RP1L1: variants seen among roughly 807,000 people sequenced by gnomAD.
The protein encoded by RP1L1 is RP1 like 1.
A neutral mutation model predicts 15.7 loss-of-function variants in RP1L1; 27 were observed. That is an observed-to-expected ratio of 1.72 (90% CI 1.27 to 2.38). The LOEUF is 2.38. RP1L1 is among the 30% of genes most tolerant of loss of function. The pLI is 0.00. For missense variants in RP1L1, 4,798 were observed against 3,075.9 expected (o/e 1.56, Z -13.24); for synonymous variants, 1,813 against 1,276.7 (o/e 1.42, Z -8.96).
At position 10,633,412 on chromosome 8, in the gene RP1L1, G is replaced by A. The variant is rs146240172; in HGVS notation, c.-19-10192C>T. 5.5e-3 allele frequency among the ~76,000 whole-genome samples: 834 copies of A among 151,616 alleles called. 11 individuals are homozygous for A. Among genetic ancestry groups the A allele is most frequent in the African/African-American group, 0.019 (781 of 41,222 alleles). On this transcript the variant is annotated intron_variant, in intron 1 of 3. Coordinates refer to ENST00000382483, the MANE Select transcript of RP1L1 (RefSeq NM_178857.6). Reference sequence around the variant, plus strand: ...ACAAAGGGTAGATCTGGGGACCGGGGCAGACAGGGATGTAATAAGCCCAAA... The same window carrying A: ...ACAAAGGGTAGATCTGGGGACCGGGACAGACAGGGATGTAATAAGCCCAAA...
chr8:10,623,042 G>T lies in RP1L1; in HGVS notation c.160C>A (p.His54Asn). ...CTGAAGGTCTTAAAGGCGCGCTGGT[G>T]AACGGCCAGGCGGACCCCAGCAAAC... ...PRFAGVRLAV[H>N]QRAFKTFSAL... The change falls in exon 2 of 4, where the codon CAC (histidine) becomes AAC (asparagine). Residue 54 changes from histidine (H) to asparagine (N), a missense_variant. By Grantham distance (68) the His-to-Asn change is moderately conservative (BLOSUM62 1). Transcript: ENST00000382483. 1 of 1,614,158 alleles carries T rather than the reference G, an allele frequency of 6.2e-7. No individual in the cohort carries two copies. Among genetic ancestry groups the T allele is most frequent in the Non-Finnish European group, 8.5e-7 (1 of 1,180,028 alleles).
At position 10,610,855 on chromosome 8, in the gene RP1L1, G is replaced by C. The variant is rs763272852; in HGVS notation, c.3243C>G (p.Ala1081=). ...SLRALPGRVS[A]STQIMRALMG... is the part of the protein sequence containing the mutation. ...TCAGCGCCCTCATGATCTGCGTGGAGGCAGACACCCGGCCAGGAAGTGCCC... is the reference window on the plus strand; with the variant it reads ...TCAGCGCCCTCATGATCTGCGTGGACGCAGACACCCGGCCAGGAAGTGCCC... The change falls in exon 4 of 4, where the codon GCC becomes GCG. Residue 1081 remains alanine, a synonymous_variant. Transcript: ENST00000382483. 1 of 1,608,486 alleles carries C rather than the reference G, an allele frequency of 6.2e-7. No individual in the cohort carries two copies. The highest frequency in any genetic ancestry group is 1.7e-5 in the Admixed American group (1 of 59,820).
chr8:10,625,841 C>T (rs1364475638), intron 1 of RP1L1, among the ~76,000 whole-genome samples: 1 of 152,058 alleles, frequency 6.6e-6, no homozygotes, highest in East Asian at 1.9e-4. Flanking sequence ...CCCCAGCAAA[C>T]CCCAGGGTCC....
intron 1 of RP1L1, among the ~76,000 whole-genome samples, chr8:10,632,456 A>G (rs1441212501): frequency 6.6e-6 from 1 of 152,222 alleles, no homozygotes; most frequent in Non-Finnish European, 1.5e-5. Context: ...TGATGTATAC[A>G]GATATCTCCA....
rs796555855 is a variant in RP1L1, at chr8:10,615,769, TG to T, written c.751+676del. ...GTTGTCTAGGCTTGTCTTGAACTCC[TG>T]GGCTCAAGTGATCCTCCTGTCCTGG... On this transcript the variant is annotated intron_variant, in intron 3 of 3. Transcript: ENST00000382483. Among the ~76,000 whole-genome samples the T allele has an allele frequency of 3.2e-4, 48 of 152,302 alleles. 1 individual carries two copies. Among genetic ancestry groups the T allele is most frequent in the African/African-American group, 1.0e-3 (43 of 41,568 alleles).
At chr8:10,630,198 G>A (rs1012267150) in intron 1 of RP1L1, among the ~76,000 whole-genome samples, 1 of 152,198 alleles carries the variant, frequency 6.6e-6, no homozygotes, top group Non-Finnish European at 1.5e-5. Flanking sequence ...GTGGAGGGGG[G>A]AGCAGACCCC....
intron 1 of RP1L1, among the ~76,000 whole-genome samples, chr8:10,636,508 G>C (rs1000480411): frequency 3.3e-5 from 5 of 152,138 alleles, no homozygotes; most frequent in Admixed American, 2.6e-4. Context: ...TTGAGGCCCC[G>C]CCTTCTTCCC....
intron 1 of RP1L1, among the ~76,000 whole-genome samples, chr8:10,632,204 A>G (rs1364210366): frequency 1.3e-5 from 2 of 152,154 alleles, no homozygotes; most frequent in Non-Finnish European, 2.9e-5. Flanking sequence ...CAGGGGCACC[A>G]ATGTCCGACT....
rs141778565 is a variant in RP1L1 at position 10,615,379 on chromosome 8, T to C, written c.751+1067A>G. On this transcript the variant is annotated intron_variant, in intron 3 of 3. Transcript: ENST00000382483. ...TGTGGCTCTTTGGCTGGATATATGG[T>C]TGGTTGTATGGATGGATGGATAATC... Among the ~76,000 whole-genome samples, 1,035 of 152,180 alleles carry C rather than the reference T, an allele frequency of 6.8e-3. 10 individuals carry two copies. The highest frequency in any genetic ancestry group is 0.023 in the African/African-American group (963 of 41,510).
At chr8:10,631,407 GCACACACGCACACACACATGCGCGCA>G (rs1563135516) in intron 1 of RP1L1, among the ~76,000 whole-genome samples, 1 of 120,932 alleles carries the variant, frequency 8.3e-6, no homozygotes, top group Non-Finnish European at 1.8e-5. Flanking sequence ...GCACACACAC[GCACACACGCACACACACATGCGCGCA>G]CACACACGCA....
At position 10,609,230 on chromosome 8, in the gene RP1L1, G is replaced by A. The variant is rs768723856; in HGVS notation, c.4868C>T (p.Thr1623Ile). ...GAAGGAGAGGGGCCCCAGGCCCAGG[G>A]TCCGCTCAGAGAAGGCCGAGAGGTT... ...LRNLSAFSER[T>I]LGLGPLSFTL... Residue 1623 changes from threonine to isoleucine, a missense_variant, in exon 4 of 4, where the codon ACC (threonine) becomes ATC (isoleucine). Transcript: ENST00000382483. 1 of 1,609,532 alleles carries A rather than the reference G, an allele frequency of 6.2e-7. No individual in the cohort carries two copies. The highest frequency in any genetic ancestry group is 2.2e-5 in the East Asian group (1 of 44,856).
chr8:10,644,772 G>T (rs577780340), intron 1 of RP1L1, among the ~76,000 whole-genome samples: 1 of 152,308 alleles, frequency 6.6e-6, no homozygotes, highest in Admixed American at 6.5e-5. Flanking sequence ...TCGCCCTGCA[G>T]AGAGGCCTAT....
chr8:10,620,921 C>T (rs1400315880), intron 2 of RP1L1, among the ~76,000 whole-genome samples: 1 of 152,182 alleles, frequency 6.6e-6, no homozygotes, highest in Admixed American at 6.5e-5. Context: ...GGTCACTCTG[C>T]TGAGTACATA....
chr8:10,640,454 G>A (rs998469620), intron 1 of RP1L1, among the ~76,000 whole-genome samples: 8 of 152,108 alleles, frequency 5.3e-5, no homozygotes, highest in African/African-American at 1.4e-4. Flanking sequence ...GAGGCCAAGA[G>A]TTTAAGACAA....
chr8:10,651,779 T>C (rs75686854), intron 1 of RP1L1, among the ~76,000 whole-genome samples: 3 of 135,618 alleles, frequency 2.2e-5, no homozygotes, highest in Non-Finnish European at 3.3e-5. Flanking sequence ...AAAAAAAAAG[T>C]TATGCTCAGA....
chr8:10,619,852 C>A (rs573984728), intron 2 of RP1L1, among the ~76,000 whole-genome samples: 5 of 150,556 alleles, frequency 3.3e-5, no homozygotes, highest in Non-Finnish European at 5.9e-5. Context: ...CCCAGCTACT[C>A]GGGGAGGCTG....
At chr8:10,616,726 G>GT in intron 2 of RP1L1, 139 bp from the exon 3 acceptor site, 1 of 1,017,756 alleles carries the variant, frequency 9.8e-7, no homozygotes, top group Non-Finnish European at 1.4e-6. Context: ...GGTCCAAGGA[G>GT]GGGTCTTATC....
At chr8:10,640,624 G>A (rs943604000) in intron 1 of RP1L1, among the ~76,000 whole-genome samples, 2 of 151,558 alleles carry the variant, frequency 1.3e-5, no homozygotes, top group Non-Finnish European at 2.9e-5. Flanking sequence ...CTGCACTCCA[G>A]CCTAGGTGAC....
chr8:10,641,148 A>T (rs1173625885), intron 1 of RP1L1, among the ~76,000 whole-genome samples: 1 of 152,218 alleles, frequency 6.6e-6, no homozygotes, highest in Admixed American at 6.5e-5. Context: ...TCATCCCATC[A>T]TGGGCCATGT....
Sources: gnomAD v4.1 joint callset for allele counts (sites outside exome capture counted in the v4.1 genomes callset) on GRCh38, gnomAD v4.1.1 for gene constraint, MANE v1.5 for transcripts, NCBI Gene and HGNC (gene_info 2026-07-23, HGNC 2026-07-21) for gene names.